The following SLC19A1 variants were observed in gnomAD, a reference collection of about 807,000 sequenced individuals.
SLC19A1 encodes the protein reduced folate transporter.
Under a neutral mutation model 35.3 loss-of-function variants are expected in SLC19A1, and 37 were observed. The observed-to-expected ratio is 1.05, with a 90% CI of 0.81 to 1.38. SLC19A1 has a LOEUF of 1.38. SLC19A1 is among the 40% of genes most tolerant of loss of function. The probability of loss-of-function intolerance (pLI) is 0.00; values close to 1 mark genes in which losing one functional copy is unlikely to be tolerated. For synonymous variants in SLC19A1, 460 were observed against 398.5 expected, an observed-to-expected ratio of 1.15 and a Z score of -1.84; for missense variants, 831 against 826.9, an observed-to-expected ratio of 1.00 and a Z score of -0.06.
chr21:45,530,940 C>G lies in SLC19A1; in HGVS notation c.981G>C (p.Val327=), dbSNP rs747804198. ...TGGACCAGCGCGCCCAGCGGATCTT[C>G]ACGAAGCCCGCGGCGAAGGACGTGA... The part of the protein sequence containing the change: ...GAITSFAAGF[V]KIRWARWSKL... The change falls in exon 4 of 6, where the codon GTG becomes GTC. Residue 327 remains valine (V), a synonymous_variant. Transcript: ENST00000311124. The surrounding 1 kb of genome is among the most constrained non-coding windows in gnomAD (Gnocchi z 5.3). 1.4e-6 allele frequency: 2 copies of G among 1,453,148 alleles called. No individual in the cohort carries two copies. The highest frequency in any genetic ancestry group is 2.9e-5 in the South Asian group (2 of 69,468). 90.0% of individuals were successfully genotyped at this position (1,453,148 alleles called of 1,614,324 possible).
At position 45,516,083 on chromosome 21, in the gene SLC19A1, T is replaced by C. The variant is rs2037920543; in HGVS notation, c.1351A>G (p.Met451Val). ...ILSIIYFLGA[M>V]LDGLRHCQRG... ...TGGCAGTGCCGCAGGCCATCCAGCA[T>C]GGCCCCCAAGAAGTAGATGATGGAC... Residue 451 changes from methionine (M) to valine (V), a missense_variant, in exon 6 of 6, where the codon ATG becomes GTG. By Grantham distance (21) the Met-to-Val change is conservative. Transcript: ENST00000311124. 1.2e-6 allele frequency: 2 copies of C among 1,601,298 alleles called. No individual in the cohort carries two copies. The highest frequency in any genetic ancestry group is 1.7e-6 in the Non-Finnish European group (2 of 1,175,600).
At chr21:45,516,318 C>CG (rs1485531020) in intron 5 of SLC19A1, among the ~76,000 whole-genome samples, 178 bp from the exon 6 acceptor site, 1 of 152,130 alleles carries the variant, frequency 6.6e-6, no homozygotes, top group African/African-American at 2.4e-5. Flanking sequence ...CCACAGCCCC[C>CG]CCGACCTCCA....
chr21:45,531,768 C>A lies in SLC19A1; in HGVS notation c.570G>T (p.Leu190=). The A allele has an allele frequency of 6.2e-7, 1 of 1,609,146 alleles. No homozygotes were observed. ...VSFSTLNYIS[L]AFLTFSVVLA... ...GGACCACGCTGAAGGTGAGGAAGGC[C>A]AGCGAGATGTAGTTGAGCGTGGAGA... Residue 190 remains leucine (L), a synonymous_variant, in exon 3 of 6, where the codon CTG becomes CTT. Transcript: ENST00000311124.
chr21:45,556,132 C>T (rs943901743), intron 1 of SLC19A1, among the ~76,000 whole-genome samples: 2 of 152,206 alleles, frequency 1.3e-5, no homozygotes, highest in Admixed American at 6.5e-5. Context: ...GGGTCCCCTC[C>T]TGGCCACAAG....
chr21:45,509,935 G>C (rs527370819), downstream of SLC19A1: 44 of 1,081,420 alleles, frequency 4.1e-5, no homozygotes, highest in Admixed American at 4.1e-4. Flanking sequence ...TGTGTCACTT[G>C]CGCGCCTCCC....
At chr21:45,545,962 C>T (rs1000521997), upstream of SLC19A1, among the ~76,000 whole-genome samples, 1 of 152,244 alleles carries the variant, frequency 6.6e-6, no homozygotes, top group Non-Finnish European at 1.5e-5. Context: ...CTCTCTCCAG[C>T]CCCCACTCCC....
chr21:45,548,801 G>A (rs1196003397), upstream of SLC19A1, among the ~76,000 whole-genome samples: 1 of 152,120 alleles, frequency 6.6e-6, no homozygotes, highest in Non-Finnish European at 1.5e-5. Flanking sequence ...AATAAGACGT[G>A]AAAATGTACC....
chr21:45,515,342 A>G lies in SLC19A1; in HGVS notation c.*316T>C. 2 of 1,440,732 alleles carry G rather than the reference A, an allele frequency of 1.4e-6. No individual in the cohort carries two copies. The highest frequency in any genetic ancestry group is 1.8e-6 in the Non-Finnish European group (2 of 1,107,288). 89.2% of individuals were successfully genotyped at this position (1,440,732 alleles called of 1,614,324 possible). The stretch of plus-strand genomic sequence containing the variant: ...GGCCACTTCACTAGCCCTGGGGGGC[A>G]GAAAGGATTTGTCTCAAGCCCCCCA... On this transcript the variant is annotated 3_prime_UTR_variant, in exon 6 of 6. Transcript: ENST00000311124.
intron 4 of SLC19A1, among the ~76,000 whole-genome samples, chr21:45,529,238 G>A (rs1333779131): frequency 6.6e-6 from 1 of 152,248 alleles, no homozygotes; most frequent in East Asian, 1.9e-4. Context: ...CATGTGGGGA[G>A]GATGGGGAAG....
rs532609225 is a variant in SLC19A1, at chr21:45,518,485, T to G, written c.1294-2345A>C. Among the ~76,000 whole-genome samples, 105 of 152,266 alleles carry G rather than the reference T, an allele frequency of 6.9e-4. No homozygotes were observed. The Middle Eastern group carries it at 0.014, about 20-fold the overall frequency. Reference sequence around the variant, plus strand: ...TGAAAACTTCCTAAATTTGGTGAGATGTACACTGCAGATTCATGAAGCTGA... The same window carrying G: ...TGAAAACTTCCTAAATTTGGTGAGAGGTACACTGCAGATTCATGAAGCTGA... On this transcript the variant is annotated intron_variant, in intron 5 of 5. Transcript: ENST00000311124.
intron 1 of SLC19A1, among the ~76,000 whole-genome samples, chr21:45,539,264 C>G (rs987502095): frequency 1.3e-4 from 20 of 152,204 alleles, no homozygotes; most frequent in African/African-American, 4.6e-4. Flanking sequence ...CCTCTGCTCC[C>G]GGAGGCCAGG....
At chr21:45,542,997 G>C (rs1456925660), upstream of SLC19A1, among the ~76,000 whole-genome samples, 1 of 151,368 alleles carries the variant, frequency 6.6e-6, no homozygotes, top group Non-Finnish European at 1.5e-5. Flanking sequence ...GCACGGCCCC[G>C]AACTCGGCGC....
intron 5 of SLC19A1, among the ~76,000 whole-genome samples, chr21:45,521,109 C>T (rs1232817362): frequency 6.6e-6 from 1 of 151,950 alleles, no homozygotes; most frequent in Non-Finnish European, 1.5e-5. Flanking sequence ...GAGAAGATGC[C>T]AACTGCAAGC....
At chr21:45,554,779 T>A (rs1393378555) in intron 1 of SLC19A1, among the ~76,000 whole-genome samples, 3 of 151,710 alleles carry the variant, frequency 2.0e-5, no homozygotes, top group Admixed American at 6.6e-5. Context: ...ACTATTATTG[T>A]TATGACAAGT....
chr21:45,529,440 T>A (rs11701436), intron 4 of SLC19A1, among the ~76,000 whole-genome samples: 84,660 of 151,952 alleles, frequency 0.56, 23,662 homozygotes, highest in South Asian at 0.63. Flanking sequence ...CAGGAAGGGG[T>A]ACTGAGCTGG....
intron 1 of SLC19A1, among the ~76,000 whole-genome samples, chr21:45,561,782 TAAATAA>T (rs2078617239): frequency 6.6e-6 from 1 of 150,906 alleles, no homozygotes; most frequent in African/African-American, 2.4e-5. Flanking sequence ...AAATAAATAA[TAAATAA>T]TTAAAAAATT....
chr21:45,505,480 G>GCAGAACCAGCCA, intron 3 of SLC19A1: 2 of 971,140 alleles, frequency 2.1e-6, no homozygotes, highest in Non-Finnish European at 3.2e-6. Context: ...TGCCCTGGCT[G>GCAGAACCAGCCA]GTTCTGCAGC....
rs779081542 is a variant in SLC19A1 at position 45,531,894 on chromosome 21, G to A, written c.444C>T (p.Arg148=). 20 of 1,587,910 alleles carry A rather than the reference G, an allele frequency of 1.3e-5. No individual in the cohort carries two copies. The South Asian group carries it at 2.3e-4, about 18-fold the overall frequency. ...GCGAGTAGCCGGCCACACGCTGGTA[G>A]CGCGCGGGCCGCACGAGAGAGAAGA... The part of the protein sequence containing the change: ...SYIFSLVRPA[R]YQRVAGYSRA... The change falls in exon 3 of 6, where the codon CGC becomes CGT. Residue 148 remains arginine (R), a synonymous_variant. Transcript: ENST00000311124.
At chr21:45,507,527 G>A (rs144283900) in intron 3 of SLC19A1, 73 of 1,607,298 alleles carry the variant, frequency 4.5e-5, no homozygotes, top group African/African-American at 3.6e-4. Context: ...AGGCCCAGCC[G>A]CAGGTCCTGG....
Sources: allele counts gnomAD v4.1 joint callset (sites outside exome capture counted in the v4.1 genomes callset), GRCh38; gene constraint gnomAD v4.1.1; non-coding constraint Gnocchi (gnomAD v3.1); transcripts MANE v1.5; gene names NCBI Gene and HGNC (gene_info 2026-07-23, HGNC 2026-07-21).